Variants in FSD1L observed in about 807,000 individuals in gnomAD.
The protein encoded by FSD1L is FSD1-like protein.
A neutral mutation model predicts 71.6 loss-of-function variants in FSD1L; 45 were observed. That is an observed-to-expected ratio of 0.63 (90% CI 0.49 to 0.81). The LOEUF (loss-of-function observed/expected upper bound fraction) is 0.81. Ranked by LOEUF, FSD1L falls within the 30% of genes least tolerant of loss-of-function variation. The pLI, the probability that FSD1L is intolerant of heterozygous loss-of-function variation, is 0.00. For missense variants in FSD1L, 561 were observed against 618.1 expected, an observed-to-expected ratio of 0.91 and a Z score of 0.98; for synonymous variants, 197 against 207.2, an observed-to-expected ratio of 0.95 and a Z score of 0.42.
At chr9:105,498,358 A>T (rs1833554198) in intron 7 of FSD1L, among the ~76,000 whole-genome samples, 2 of 152,226 alleles carry the variant, frequency 1.3e-5, no homozygotes, top group Admixed American at 1.3e-4. Flanking sequence ...TGCAAACATC[A>T]TAGAGTGTAT....
rs994483130 is a variant in FSD1L at position 105,552,308 on chromosome 9, T to C, written c.*5825T>C. On this transcript the variant is annotated 3_prime_UTR_variant, in exon 14 of 14. Coordinates refer to ENST00000481272, the MANE Select transcript of FSD1L (RefSeq NM_001145313.3). Reference sequence around the variant, plus strand: ...CCTTTTTAAAATGTTTTTTTTTCACTTTAAAATAGGGTATTCAAAGTGGAG... The same window carrying C: ...CCTTTTTAAAATGTTTTTTTTTCACCTTAAAATAGGGTATTCAAAGTGGAG... 2 of 152,086 alleles carry C rather than the reference T, an allele frequency of 1.3e-5. No homozygotes were observed. The highest frequency in any genetic ancestry group is 2.9e-5 in the Non-Finnish European group (2 of 68,014). 9.4% of individuals were successfully genotyped at this position (152,086 alleles called of 1,614,324 possible).
intron 7 of FSD1L, among the ~76,000 whole-genome samples, chr9:105,492,076 C>A (rs1357116131): frequency 6.6e-6 from 1 of 151,916 alleles, no homozygotes; most frequent in Admixed American, 6.6e-5. Flanking sequence ...AGGAATGGTA[C>A]CAGTTCCTCC....
chr9:105,545,971 A>C (rs1026107132), intron 13 of FSD1L, among the ~76,000 whole-genome samples: 7 of 152,120 alleles, frequency 4.6e-5, no homozygotes, highest in African/African-American at 1.7e-4. Context: ...GCCATATCTC[A>C]TTATCAAAAC....
At chr9:105,459,778 A>G (rs533080758) in intron 1 of FSD1L, among the ~76,000 whole-genome samples, 1 of 152,280 alleles carries the variant, frequency 6.6e-6, no homozygotes, top group South Asian at 2.1e-4. Context: ...GGGGTTCCAG[A>G]GTCCTCTACA....
chr9:105,456,872 A>T (rs925763630), intron 1 of FSD1L, among the ~76,000 whole-genome samples: 1 of 152,230 alleles, frequency 6.6e-6, no homozygotes, highest in Non-Finnish European at 1.5e-5. Context: ...CTTATAAAAT[A>T]TAATTTTCTA....
At chr9:105,519,924 A>G (rs1406275461) in intron 10 of FSD1L, among the ~76,000 whole-genome samples, 6 of 152,214 alleles carry the variant, frequency 3.9e-5, no homozygotes, top group Non-Finnish European at 8.8e-5. Context: ...GCTGGGGCCG[A>G]AGGTGCCTTG....
chr9:105,483,061 T>C lies in FSD1L; in HGVS notation c.465-1320T>C, dbSNP rs986145227. The stretch of plus-strand genomic sequence containing the variant: ...GGACTTAGTATTTGTTCCTTTTTAT[T>C]GAAATTGTATTATTTGAGAGACGGG... On this transcript the variant is annotated intron_variant, in intron 6 of 13. Coordinates refer to ENST00000481272, the MANE Select transcript of FSD1L (RefSeq NM_001145313.3). Among the ~76,000 whole-genome samples the C allele has an allele frequency of 3.3e-5, 5 of 152,266 alleles. No homozygotes were observed. The East Asian group carries it at 9.6e-4, about 29-fold the overall frequency.
chr9:105,484,550 T>TC (rs1564101496), intron 7 of FSD1L, 48 bp downstream of exon 7: 1 of 1,298,782 alleles, frequency 7.7e-7, no homozygotes, highest in Non-Finnish European at 1.0e-6. Context: ...CTTTTTTTTT[T>TC]CTACAAGATT....
chr9:105,526,483 C>T, intron 10 of FSD1L: 2 of 1,612,430 alleles, frequency 1.2e-6, no homozygotes, highest in Non-Finnish European at 1.7e-6. Flanking sequence ...GCAAAAGCCG[C>T]ATGTCCATGA....
upstream of FSD1L, among the ~76,000 whole-genome samples, chr9:105,443,798 G>T (rs1829583927): frequency 1.3e-5 from 2 of 152,170 alleles, no homozygotes; most frequent in African/African-American, 4.8e-5. Context: ...GGTTTCTATG[G>T]TTGGGAAGAG....
Position 105,543,701 on chromosome 9 carries a change from C to T in FSD1L, c.1468-2657C>T, listed in dbSNP as rs190573181. ...ATGTGGTGTTTGGTTTTTGTCCCTG[C>T]GATAGTTTGCTGAGAATGATGGTTT... On this transcript the variant is annotated intron_variant, in intron 13 of 13. Coordinates refer to ENST00000481272, the MANE Select transcript of FSD1L (RefSeq NM_001145313.3). Among the ~76,000 whole-genome samples, 1,405 of 152,062 alleles carry T rather than the reference C, an allele frequency of 9.2e-3. 22 individuals are homozygous for T. Among genetic ancestry groups the T allele is most frequent in the African/African-American group, 0.032 (1,344 of 41,480 alleles).
At chr9:105,523,866 C>G in intron 10 of FSD1L, 2 of 1,594,890 alleles carry the variant, frequency 1.3e-6, no homozygotes, top group Non-Finnish European at 1.7e-6. Context: ...ACTTGGTTTG[C>G]CTGGTGCCAC....
intron 2 of FSD1L, among the ~76,000 whole-genome samples, chr9:105,463,629 C>T (rs7034149): frequency 0.12 from 18,795 of 152,032 alleles, 1,558 homozygotes; most frequent in East Asian, 0.47. Context: ...TGGATAGCAC[C>T]GAACCAGAGA....
intron 1 of FSD1L, among the ~76,000 whole-genome samples, chr9:105,456,540 T>TC (rs1830369452): frequency 6.6e-6 from 1 of 152,270 alleles, no homozygotes; most frequent in African/African-American, 2.4e-5. Context: ...AACTTATATC[T>TC]TGTACATCTT....
In FSD1L at chr9:105,492,089, G is replaced by A. The variant is rs540739754; in HGVS notation, c.586+7587G>A. On this transcript the variant is annotated intron_variant, in intron 7 of 13. Coordinates refer to ENST00000481272, the MANE Select transcript of FSD1L (RefSeq NM_001145313.3). ...GAAGGAATGGTACCAGTTCCTCCTTGTACCTCTGGTAGAATTCGGCTGTGA... is the reference window on the plus strand; with the variant it reads ...GAAGGAATGGTACCAGTTCCTCCTTATACCTCTGGTAGAATTCGGCTGTGA... 7.4e-3 allele frequency among the ~76,000 whole-genome samples: 1,123 copies of A among 151,678 alleles called. 10 individuals carry two copies. Among genetic ancestry groups the A allele is most frequent in the African/African-American group, 0.026 (1,077 of 41,004 alleles).
At chr9:105,493,072 G>A (rs371195033) in intron 7 of FSD1L, among the ~76,000 whole-genome samples, 5 of 152,052 alleles carry the variant, frequency 3.3e-5, no homozygotes, top group Non-Finnish European at 5.9e-5. Context: ...TTTCTGTCTC[G>A]TTGATCTGTC....
At chr9:105,467,825 C>T (rs568586741) in intron 3 of FSD1L, among the ~76,000 whole-genome samples, 37 of 152,156 alleles carry the variant, frequency 2.4e-4, no homozygotes, top group Admixed American at 7.2e-4. Context: ...GATTCTGATA[C>T]GCACCAGAGG....
intron 9 of FSD1L, 93 bp from the exon 10 acceptor site, chr9:105,512,714 G>C (rs148753022): frequency 1.5e-6 from 1 of 651,064 alleles, no homozygotes; most frequent in African/African-American, 1.9e-5. Flanking sequence ...GTATTGAATT[G>C]ATTGAGTAGG....
intron 7 of FSD1L, among the ~76,000 whole-genome samples, chr9:105,488,208 A>G (rs1046472606): frequency 6.6e-6 from 1 of 152,198 alleles, no homozygotes; most frequent in African/African-American, 2.4e-5. Flanking sequence ...AGTCAATGGC[A>G]ACCACTGATC....
Sources: gnomAD v4.1 joint callset for allele counts (sites outside exome capture counted in the v4.1 genomes callset) on GRCh38, gnomAD v4.1.1 for gene constraint, MANE v1.5 for transcripts, NCBI Gene and HGNC (gene_info 2026-07-23, HGNC 2026-07-21) for gene names.